STIM2: variants seen among roughly 807,000 people sequenced by gnomAD.
STIM2 encodes the protein stromal interaction molecule 2.
STIM2 carries 31 observed loss-of-function variants against 85.8 expected under a neutral mutation model. The observed-to-expected ratio is 0.36, with a 90% CI of 0.27 to 0.49. STIM2 has a LOEUF of 0.49. Among genes scored for constraint, STIM2 ranks in the 20% least tolerant of loss-of-function variants. The pLI, the probability that STIM2 is intolerant of heterozygous loss-of-function variation, is 0.98. For missense variants in STIM2, 841 were observed against 927.6 expected, an observed-to-expected ratio of 0.91 and a Z score of 1.21; for synonymous variants, 356 against 331.1, an observed-to-expected ratio of 1.08 and a Z score of -0.82.
intron 1 of STIM2, among the ~76,000 whole-genome samples, chr4:26,885,871 A>G (rs186203705): frequency 0.016 from 1,876 of 117,778 alleles, 53 homozygotes; most frequent in South Asian, 0.03. Flanking sequence ...ATATATATAT[A>G]TATGTATATG....
chr4:26,957,852 TA>T (rs1726309528), intron 3 of STIM2, 126 bp downstream of exon 3: 4 of 588,154 alleles, frequency 6.8e-6, no homozygotes, highest in Non-Finnish European at 9.0e-6. Context: ...AGGATATTTA[TA>T]TTTTAGTAAA....
intron 11 of STIM2, among the ~76,000 whole-genome samples, chr4:27,018,655 C>A (rs1348072319): frequency 6.6e-6 from 1 of 152,110 alleles, no homozygotes; most frequent in Non-Finnish European, 1.5e-5. Context: ...AATTTGGGAG[C>A]CATCTTAGAA....
At chr4:26,995,529 A>G in intron 4 of STIM2, 39 bp downstream of exon 4, 1 of 1,341,542 alleles carries the variant, frequency 7.5e-7, no homozygotes. Flanking sequence ...CCACTCAGGG[A>G]GAATTATATG....
intron 1 of STIM2, among the ~76,000 whole-genome samples, chr4:26,905,535 A>G (rs1724091535): frequency 6.6e-6 from 1 of 152,184 alleles, no homozygotes; most frequent in Non-Finnish European, 1.5e-5. Flanking sequence ...AAGAATAATC[A>G]AGAAAGAGTG....
At chr4:26,991,130 C>T (rs1006874844) in intron 3 of STIM2, among the ~76,000 whole-genome samples, 1 of 152,094 alleles carries the variant, frequency 6.6e-6, no homozygotes. Context: ...TACCTGCACT[C>T]TCATGTTTAC....
chr4:26,935,077 CTT>C (rs1220926017), intron 2 of STIM2, among the ~76,000 whole-genome samples: 4 of 151,980 alleles, frequency 2.6e-5, no homozygotes, highest in Non-Finnish European at 5.9e-5. Context: ...GCCACTATGT[CTT>C]TATATTTTAG....
At chr4:26,890,843 A>G (rs1456456647) in intron 1 of STIM2, among the ~76,000 whole-genome samples, 1 of 151,034 alleles carries the variant, frequency 6.6e-6, no homozygotes, top group East Asian at 1.9e-4. Flanking sequence ...AAAAAAAAAA[A>G]GGAGAGTACT....
chr4:27,017,922 C>T lies in STIM2; in HGVS notation c.1701C>T (p.Cys567=), dbSNP rs535592908. 1 of 1,614,116 alleles carries T rather than the reference C, an allele frequency of 6.2e-7. No homozygotes were observed. Among genetic ancestry groups the T allele is most frequent in the South Asian group, 1.1e-5 (1 of 91,082 alleles). Residue 567 remains cysteine (C), a synonymous_variant, in exon 11 of 12, where the codon TGC becomes TGT. Coordinates refer to ENST00000467087, the MANE Select transcript of STIM2 (RefSeq NM_020860.4). ...CAGATATCCTCTCAGTGTCAAGTTGCCCTGCGCTTTATCGAAATGAAGAGG... is the reference window on the plus strand; with the variant it reads ...CAGATATCCTCTCAGTGTCAAGTTGTCCTGCGCTTTATCGAAATGAAGAGG...
At chr4:26,876,409 C>T (rs1397887492) in intron 1 of STIM2, among the ~76,000 whole-genome samples, 2 of 152,084 alleles carry the variant, frequency 1.3e-5, no homozygotes, top group Admixed American at 1.3e-4. Context: ...CCTAGGTTTC[C>T]TTTAACTCAG....
intron 3 of STIM2, among the ~76,000 whole-genome samples, chr4:26,986,094 T>C (rs1317028696): frequency 6.6e-6 from 1 of 152,208 alleles, no homozygotes; most frequent in Non-Finnish European, 1.5e-5. Flanking sequence ...TTACTTGGTC[T>C]GTGAATTTGA....
chr4:26,998,706 A>T (rs1045777528), intron 4 of STIM2, among the ~76,000 whole-genome samples: 4 of 151,832 alleles, frequency 2.6e-5, no homozygotes, highest in African/African-American at 9.7e-5. Context: ...AGGTCAGGAG[A>T]TCGAGACCAT....
At chr4:26,875,409 C>T (rs760238855) in intron 1 of STIM2, among the ~76,000 whole-genome samples, 4 of 151,844 alleles carry the variant, frequency 2.6e-5, no homozygotes, top group South Asian at 2.1e-4. Context: ...TTTAGTTTTA[C>T]GTTTTGAAGT....
chr4:27,018,002 T>C lies in STIM2; in HGVS notation c.1763+18T>C. On this transcript the variant is annotated intron_variant, in intron 11 of 11. Transcript: ENST00000467087. ...AAGCAATGGTATTGGCAGTGAATAATCTACAGGGCATGTTGGGGCTGGGTT... is the reference window on the plus strand; with the variant it reads ...AAGCAATGGTATTGGCAGTGAATAACCTACAGGGCATGTTGGGGCTGGGTT... 2 of 1,612,576 alleles carry C rather than the reference T, an allele frequency of 1.2e-6. No homozygotes were observed. Among genetic ancestry groups the C allele is most frequent in the South Asian group, 1.1e-5 (1 of 90,996 alleles).
intron 8 of STIM2, 95 bp downstream of exon 8, chr4:27,007,795 T>G (rs1247406616): frequency 7.7e-7 from 1 of 1,303,474 alleles, no homozygotes. Context: ...TGAATAAAAG[T>G]TTTATTATTA....
intron 3 of STIM2, among the ~76,000 whole-genome samples, chr4:26,984,708 A>G (rs1241768589): frequency 2.0e-5 from 3 of 152,120 alleles, no homozygotes; most frequent in South Asian, 4.2e-4. Context: ...ATTTCTCACC[A>G]TCTTCATGGA....
intron 10 of STIM2, among the ~76,000 whole-genome samples, chr4:27,013,082 C>T (rs1728610934): frequency 6.6e-6 from 1 of 151,820 alleles, no homozygotes; most frequent in Admixed American, 6.6e-5. Context: ...AGTAATTTTT[C>T]TTCCTGACAC....
chr4:26,936,528 G>C (rs1725397043), intron 2 of STIM2, among the ~76,000 whole-genome samples: 1 of 152,156 alleles, frequency 6.6e-6, no homozygotes, highest in African/African-American at 2.4e-5. Flanking sequence ...GGCTGTCTTA[G>C]TCATAGGCCA....
intron 3 of STIM2, 31 bp from the exon 4 acceptor site, chr4:26,995,347 TA>T: frequency 8.0e-7 from 1 of 1,246,150 alleles, no homozygotes; most frequent in Non-Finnish European, 1.1e-6. Context: ...CAGGTGTGTT[TA>T]AAATATGCAT....
At position 27,022,764 on chromosome 4, in the gene STIM2, T is replaced by C; in HGVS notation, c.2009T>C (p.Val670Ala). The C allele has an allele frequency of 1.2e-6, 2 of 1,614,182 alleles. No individual in the cohort carries two copies. The highest frequency in any genetic ancestry group is 1.1e-5 in the South Asian group (1 of 91,082). The change falls in exon 12 of 12, where the codon GTG (valine) becomes GCG (alanine). Residue 670 changes from valine (V) to alanine (A), a missense_variant. Transcript: ENST00000467087. ...ATGATCTTCAGTCCTGCAAGCAAAG[T>C]GTACAATGGCATTTTGGAGAAATCC... is the stretch of plus-strand genomic sequence containing the variant.
Sources: allele counts gnomAD v4.1 joint callset (sites outside exome capture counted in the v4.1 genomes callset), GRCh38; gene constraint gnomAD v4.1.1; transcripts MANE v1.5; gene names NCBI Gene and HGNC (gene_info 2026-07-23, HGNC 2026-07-21).